Variants in PRKAG2 observed in about 807,000 individuals in gnomAD.
PRKAG2 encodes protein kinase AMP-activated non-catalytic subunit gamma 2, also known as 5'-AMP-activated protein kinase subunit gamma-2.
PRKAG2 carries 26 observed loss-of-function variants against 69.6 expected under a neutral mutation model. That is an observed-to-expected ratio of 0.37 (90% CI 0.27 to 0.52). PRKAG2 has a LOEUF of 0.52. PRKAG2 is among the 20% of genes least tolerant of loss of function. The pLI, the probability that PRKAG2 is intolerant of heterozygous loss-of-function variation, is 0.90. For synonymous variants in PRKAG2, 293 were observed against 285.0 expected (o/e 1.03, Z -0.28); for missense variants, 557 against 740.0 (o/e 0.75, Z 2.87).
chr7:151,867,154 G>C (rs2080100276), intron 1 of PRKAG2, among the ~76,000 whole-genome samples: 1 of 152,226 alleles, frequency 6.6e-6, no homozygotes, highest in African/African-American at 2.4e-5. Flanking sequence ...ACCTCTCCAG[G>C]CCATGCCATG....
chr7:151,808,592 T>A (rs7802319), intron 1 of PRKAG2, among the ~76,000 whole-genome samples: 1 of 105,708 alleles, frequency 9.5e-6, no homozygotes, highest in Non-Finnish European at 2.1e-5. Flanking sequence ...TGCAGGTTGT[T>A]GGGGGGGCTT....
At position 151,781,530 on chromosome 7, in the gene PRKAG2, G is replaced by T; in HGVS notation, c.187-99C>A. 15 of 1,398,080 alleles carry T rather than the reference G, an allele frequency of 1.1e-5. No individual in the cohort carries two copies. The highest frequency in any genetic ancestry group is 1.5e-5 in the Non-Finnish European group (15 of 1,023,230). 86.6% of individuals were successfully genotyped at this position (1,398,080 alleles called of 1,614,324 possible). On this transcript the variant is annotated intron_variant, in intron 2 of 15. Transcript: ENST00000287878. This position sits in a 1 kb window ranked among gnomAD's most constrained non-coding sequence, Gnocchi z 6.1. ...TATCATTGTCCTCTCTCACATGCGG[G>T]CCCCCCATAGTACCCTCCCAGAGAA...
intron 4 of PRKAG2, among the ~76,000 whole-genome samples, chr7:151,657,423 G>C (rs1378560902): frequency 6.6e-6 from 1 of 152,138 alleles, no homozygotes; most frequent in Non-Finnish European, 1.5e-5. Flanking sequence ...TATAGGTCTT[G>C]GCTCAGGCTA....
intron 1 of PRKAG2, chr7:151,809,348 G>T: frequency 2.3e-6 from 1 of 435,500 alleles, no homozygotes; most frequent in Non-Finnish European, 4.7e-6. Flanking sequence ...CGCAGTCCAC[G>T]GCAGGTGTCG....
intron 4 of PRKAG2, among the ~76,000 whole-genome samples, chr7:151,660,705 G>T (rs574826386): frequency 6.6e-6 from 1 of 152,352 alleles, no homozygotes; most frequent in Non-Finnish European, 1.5e-5. Flanking sequence ...TTGCTGAACA[G>T]TCTCTAGCAG....
At chr7:151,739,780 T>C (rs529187581) in intron 3 of PRKAG2, among the ~76,000 whole-genome samples, 3 of 152,252 alleles carry the variant, frequency 2.0e-5, no homozygotes, top group South Asian at 2.1e-4. Flanking sequence ...TGGAATTTTC[T>C]AACCTACCTG....
intron 1 of PRKAG2, among the ~76,000 whole-genome samples, chr7:151,826,174 CT>C (rs946438841): frequency 4.7e-5 from 7 of 149,738 alleles, no homozygotes; most frequent in Admixed American, 2.0e-4. Flanking sequence ...TCCAGTTCCA[CT>C]TTTTTTTTTG....
intron 1 of PRKAG2, among the ~76,000 whole-genome samples, chr7:151,871,241 C>G (rs904963804): frequency 2.0e-5 from 3 of 152,218 alleles, no homozygotes; most frequent in African/African-American, 7.2e-5. Flanking sequence ...ACCAAAGTCT[C>G]GGCAGAACAC....
chr7:151,735,288 G>A (rs1799593459), intron 3 of PRKAG2, among the ~76,000 whole-genome samples: 1 of 152,172 alleles, frequency 6.6e-6, no homozygotes, highest in Non-Finnish European at 1.5e-5. Context: ...CTCCAAGTCT[G>A]CAGGTCCTTG....
At chr7:151,868,617 G>A (rs189316509) in intron 1 of PRKAG2, among the ~76,000 whole-genome samples, 12 of 152,368 alleles carry the variant, frequency 7.9e-5, no homozygotes, top group Non-Finnish European at 1.6e-4. Context: ...TGAAAGGACG[G>A]CAGACAGCTG....
intron 4 of PRKAG2, among the ~76,000 whole-genome samples, chr7:151,643,401 C>A (rs904459076): frequency 1.3e-5 from 2 of 152,222 alleles, no homozygotes; most frequent in Admixed American, 6.5e-5. Flanking sequence ...TCCCCTGCAA[C>A]TGACCTATTC....
chr7:151,575,194 A>C (rs1241767341), intron 7 of PRKAG2, among the ~76,000 whole-genome samples: 1 of 152,250 alleles, frequency 6.6e-6, no homozygotes, highest in East Asian at 1.9e-4. Context: ...AGAATTTGGC[A>C]AATCAATGAG....
chr7:151,727,744 C>T (rs1798230736), intron 3 of PRKAG2, among the ~76,000 whole-genome samples: 1 of 152,244 alleles, frequency 6.6e-6, no homozygotes, highest in Non-Finnish European at 1.5e-5. Context: ...GGAGGAGGGG[C>T]CTTCAGGCCC....
intron 1 of PRKAG2, among the ~76,000 whole-genome samples, chr7:151,823,490 G>A (rs2078840541): frequency 6.6e-6 from 1 of 150,494 alleles, no homozygotes; most frequent in African/African-American, 2.4e-5. Context: ...GCACCGTGGT[G>A]GGTGCAGACC....
At chr7:151,631,021 G>C (rs1276843563) in intron 5 of PRKAG2, among the ~76,000 whole-genome samples, 1 of 152,202 alleles carries the variant, frequency 6.6e-6, no homozygotes, top group African/African-American at 2.4e-5. Flanking sequence ...TAATTCTATT[G>C]GGTTAACACG....
intron 3 of PRKAG2, among the ~76,000 whole-genome samples, chr7:151,680,610 T>C (rs1056751798): frequency 1.3e-5 from 2 of 152,206 alleles, no homozygotes; most frequent in Non-Finnish European, 2.9e-5. Flanking sequence ...ATATCCCCTT[T>C]TTGATTTTTC....
intron 1 of PRKAG2, among the ~76,000 whole-genome samples, chr7:151,871,784 G>C (rs1302444732): frequency 9.9e-5 from 15 of 152,168 alleles, no homozygotes; most frequent in Admixed American, 9.2e-4. Context: ...CAGAGCCCGA[G>C]AGAGGAGGTT....
chr7:151,606,390 A>G (rs1415396290), intron 5 of PRKAG2, among the ~76,000 whole-genome samples: 1 of 152,248 alleles, frequency 6.6e-6, no homozygotes, highest in African/African-American at 2.4e-5. Flanking sequence ...TAGTTACATT[A>G]TGGTGAAGTC....
chr7:151,752,379 C>T (rs976854453), intron 3 of PRKAG2, among the ~76,000 whole-genome samples: 7 of 151,760 alleles, frequency 4.6e-5, no homozygotes, highest in African/African-American at 1.5e-4. Context: ...AAGAAAGAAA[C>T]GACAAACACT....
Sources: gnomAD v4.1 joint callset for allele counts (sites outside exome capture counted in the v4.1 genomes callset) on GRCh38, gnomAD v4.1.1 for gene constraint, Gnocchi (gnomAD v3.1) non-coding constraint, MANE v1.5 for transcripts, NCBI Gene and HGNC (gene_info 2026-07-23, HGNC 2026-07-21) for gene names.